Variants in LRIG3 observed in about 807,000 individuals in gnomAD.
The protein encoded by LRIG3 is leucine-rich repeats and immunoglobulin-like domains protein 3.
LRIG3 carries 76 observed loss-of-function variants against 114.5 expected under a neutral mutation model. The ratio of observed to expected loss-of-function variants is 0.66; its 90% CI spans 0.55 to 0.80. The LOEUF is 0.80. Among genes scored for constraint, LRIG3 ranks in the 30% least tolerant of loss-of-function variants. The pLI is 0.00. For missense variants in LRIG3, 1,239 were observed against 1,382.8 expected (o/e 0.90, Z 1.65); for synonymous variants, 512 against 519.8 (o/e 0.98, Z 0.20).
At chr12:58,906,501 G>GT (rs1038563141) in intron 3 of LRIG3, among the ~76,000 whole-genome samples, 1 of 152,010 alleles carries the variant, frequency 6.6e-6, no homozygotes, top group Non-Finnish European at 1.5e-5. Context: ...TCCCAAAGCT[G>GT]TTTTTTTCAT....
chr12:58,913,313 T>C (rs1406467399), intron 3 of LRIG3, among the ~76,000 whole-genome samples: 6 of 152,222 alleles, frequency 3.9e-5, no homozygotes, highest in Admixed American at 1.3e-4. Flanking sequence ...TTCTAAATGC[T>C]ACCTTTAAAT....
chr12:58,918,428 G>GA (rs1872553763), intron 1 of LRIG3, among the ~76,000 whole-genome samples: 1 of 151,038 alleles, frequency 6.6e-6, no homozygotes, highest in Non-Finnish European at 1.5e-5. Flanking sequence ...CTAAATCCAG[G>GA]AAAAAAGAAA....
At chr12:58,907,264 G>GA (rs1872101142) in intron 3 of LRIG3, among the ~76,000 whole-genome samples, 2 of 152,338 alleles carry the variant, frequency 1.3e-5, no homozygotes, top group South Asian at 4.1e-4. Flanking sequence ...AGTAGGCATT[G>GA]TTGCTGGGCA....
At chr12:58,899,600 T>C (rs1871769684) in intron 3 of LRIG3, among the ~76,000 whole-genome samples, 1 of 152,204 alleles carries the variant, frequency 6.6e-6, no homozygotes, top group Non-Finnish European at 1.5e-5. Context: ...TTCTTTTCTC[T>C]CCAAAGATAT....
intron 5 of LRIG3, 58 bp downstream of exon 5, chr12:58,889,938 A>G: frequency 1.9e-6 from 3 of 1,567,842 alleles, no homozygotes; most frequent in Non-Finnish European, 2.6e-6. Context: ...TTTTAAGGAA[A>G]AGACACCAAG....
At chr12:58,890,633 T>G in intron 4 of LRIG3, 32 bp downstream of exon 4, 2 of 1,543,990 alleles carry the variant, frequency 1.3e-6, no homozygotes, top group Non-Finnish European at 1.7e-6. Context: ...TCATTACAGG[T>G]GAAAGTTTTT....
intron 3 of LRIG3, among the ~76,000 whole-genome samples, chr12:58,895,294 G>A (rs1200833304): frequency 2.0e-5 from 3 of 152,178 alleles, no homozygotes; most frequent in African/African-American, 7.2e-5. Context: ...AGGAAAGGAG[G>A]AGTGGGCAGT....
At chr12:58,889,960 G>A (rs1045405856) in intron 5 of LRIG3, 36 bp downstream of exon 5, 2 of 1,605,986 alleles carry the variant, frequency 1.2e-6, no homozygotes, top group East Asian at 4.5e-5. Flanking sequence ...GTTTGGAGGA[G>A]GTGAGAAACA....
Position 58,887,773 on chromosome 12 carries a change from A to C in LRIG3, c.1091+16T>G. The C allele has an allele frequency of 6.2e-7, 1 of 1,611,642 alleles. No individual in the cohort carries two copies. Reference sequence around the variant, plus strand: ...CCAATTACGTTCGAGTACTGACAGCAAAACGTGTAACTTACAAAGTCTTTA... The same window carrying C: ...CCAATTACGTTCGAGTACTGACAGCCAAACGTGTAACTTACAAAGTCTTTA... On this transcript the variant is annotated intron_variant, in intron 8 of 18. Coordinates refer to ENST00000320743, the MANE Select transcript of LRIG3 (RefSeq NM_153377.5).
intron 3 of LRIG3, among the ~76,000 whole-genome samples, chr12:58,903,556 G>A (rs1272124377): frequency 6.6e-6 from 1 of 152,104 alleles, no homozygotes; most frequent in Admixed American, 6.5e-5. Context: ...CTGTGCAGAA[G>A]CTCTTTAGTT....
intron 1 of LRIG3, 181 bp from the exon 2 acceptor site, chr12:58,914,517 A>G (rs1048785924): frequency 3.5e-6 from 2 of 565,542 alleles, no homozygotes; most frequent in Non-Finnish European, 6.2e-6. Context: ...CAAGGACAAA[A>G]TTAGTTTAGG....
rs1592294017 is a variant in LRIG3 at position 58,878,942 on chromosome 12, C to T, written c.1965G>A (p.Met655Ile). ...PAARERRMHVMPEDDVFFIVD... is the reference protein window; with the variant it reads ...PAARERRMHVIPEDDVFFIVD... ...CGATAAAGAACACGTCATCCTCGGGCATCACATGCATGCGTCTCTCCCGTG... is the reference window on the plus strand; with the variant it reads ...CGATAAAGAACACGTCATCCTCGGGTATCACATGCATGCGTCTCTCCCGTG... The change falls in exon 14 of 19, where the codon ATG becomes ATA. Residue 655 changes from methionine to isoleucine, a missense_variant. Met to Ile is a conservative substitution (Grantham distance 10). Coordinates refer to ENST00000320743, the MANE Select transcript of LRIG3 (RefSeq NM_153377.5). The T allele has an allele frequency of 6.2e-7, 1 of 1,614,202 alleles. No individual in the cohort carries two copies. The highest frequency in any genetic ancestry group is 1.3e-5 in the African/African-American group (1 of 75,046).
chr12:58,876,461 T>A lies in LRIG3; in HGVS notation c.2679A>T (p.Pro893=). 1 of 1,614,120 alleles carries A rather than the reference T, an allele frequency of 6.2e-7. No homozygotes were observed. The highest frequency in any genetic ancestry group is 8.5e-7 in the Non-Finnish European group (1 of 1,180,006). Reference sequence around the variant, plus strand: ...AACACTTACCACTACTGTCATGTTGTGGTAAGAAAAATCCAGCACCTGAAG... The same window carrying A: ...AACACTTACCACTACTGTCATGTTGAGGTAAGAAAAATCCAGCACCTGAAG... The part of the protein sequence containing the change: ...VTSSGAGFFL[P]QHDSSGTCHI... The change falls in exon 16 of 19, where the codon CCA becomes CCT. Residue 893 remains proline (P), a synonymous_variant. Transcript: ENST00000320743.
chr12:58,889,057 A>G (rs1871368274), intron 5 of LRIG3, 95 bp from the exon 6 acceptor site: 1 of 1,187,308 alleles, frequency 8.4e-7, no homozygotes, highest in Admixed American at 2.4e-5. Context: ...TCAACCAGTC[A>G]GTGTTCAATT....
At chr12:58,912,727 A>C (rs1346523113) in intron 3 of LRIG3, among the ~76,000 whole-genome samples, 1 of 152,234 alleles carries the variant, frequency 6.6e-6, no homozygotes, top group Non-Finnish European at 1.5e-5. Context: ...CAGCAAGAGC[A>C]AAGTGGAATT....
chr12:58,881,145 CTG>C (rs1409414364), intron 12 of LRIG3, among the ~76,000 whole-genome samples: 4 of 152,268 alleles, frequency 2.6e-5, no homozygotes, highest in African/African-American at 9.6e-5. Flanking sequence ...TGAGAAAAGA[CTG>C]TTATTTTGGA....
chr12:58,879,781 C>T (rs760733245), intron 13 of LRIG3, among the ~76,000 whole-genome samples: 2 of 152,102 alleles, frequency 1.3e-5, no homozygotes, highest in African/African-American at 2.4e-5. Flanking sequence ...ATCCTTTACA[C>T]ATATTATTTC....
In LRIG3 at chr12:58,883,049, C is replaced by G; in HGVS notation, c.1317-17G>C. The G allele has an allele frequency of 6.3e-7, 1 of 1,593,784 alleles. No individual in the cohort carries two copies. The highest frequency in any genetic ancestry group is 8.6e-7 in the Non-Finnish European group (1 of 1,168,786). ...TTTAAATGCCTGAGGAGAGTAATTA[C>G]ATTCAATTTGTTCTGTATGAAATGC... On this transcript the variant is annotated splice_polypyrimidine_tract_variant and intron_variant, in intron 11 of 18. Transcript: ENST00000320743.
At chr12:58,913,654 T>C (rs182876464) in intron 3 of LRIG3, 218 of 203,762 alleles carry the variant, frequency 1.1e-3, no homozygotes, top group Non-Finnish European at 1.3e-3. Flanking sequence ...ATGCCAACCA[T>C]TGAGCGATAC....
Sources: allele counts gnomAD v4.1 joint callset (sites outside exome capture counted in the v4.1 genomes callset), GRCh38; gene constraint gnomAD v4.1.1; transcripts MANE v1.5; gene names NCBI Gene and HGNC (gene_info 2026-07-23, HGNC 2026-07-21).